The following NHSL3 variants were observed in gnomAD, a reference collection of about 807,000 sequenced individuals.
NHSL3 encodes the protein NHS like 3.
At chr1:32,762,920 C>T in the NHSL3 span, among the ~76,000 whole-genome samples, 1 of 152,164 alleles carries the variant, frequency 6.6e-6, no homozygotes, top group African/African-American at 2.4e-5. Context: ...GGTGATCTGC[C>T]CACCTCAGCC....
chr1:32,767,630 C>T, the NHSL3 span, among the ~76,000 whole-genome samples: 1 of 152,010 alleles, frequency 6.6e-6, no homozygotes, highest in Non-Finnish European at 1.5e-5. Flanking sequence ...TACTCCAGAA[C>T]TGTGGGTTAT....
the NHSL3 span, among the ~76,000 whole-genome samples, chr1:32,759,876 A>G: frequency 6.6e-6 from 1 of 152,216 alleles, no homozygotes; most frequent in Non-Finnish European, 1.5e-5. Flanking sequence ...CATTTGTAAA[A>G]AGGAAACCAC....
At chr1:32,770,424 C>T in the NHSL3 span, 2 of 1,608,094 alleles carry the variant, frequency 1.2e-6, no homozygotes, top group East Asian at 2.2e-5. This position sits in a 1 kb window ranked among gnomAD's most constrained non-coding sequence, Gnocchi z 8.3. Flanking sequence ...CCAGTGACAC[C>T]TGGAGCCACT....
chr1:32,757,112 C>T, the NHSL3 span, among the ~76,000 whole-genome samples: 2 of 152,312 alleles, frequency 1.3e-5, no homozygotes, highest in East Asian at 3.9e-4. Flanking sequence ...TCATCCTCGG[C>T]CTCAGCCTCT....
chr1:32,751,735 A>T, the NHSL3 span, among the ~76,000 whole-genome samples: 2 of 152,044 alleles, frequency 1.3e-5, no homozygotes, highest in East Asian at 1.9e-4. Flanking sequence ...AAGGTGGAAG[A>T]GGGGATGGCA....
At chr1:32,758,161 G>C in the NHSL3 span, among the ~76,000 whole-genome samples, 1 of 152,156 alleles carries the variant, frequency 6.6e-6, no homozygotes, top group Non-Finnish European at 1.5e-5. Context: ...TGGCACTCAG[G>C]GATCCACCCA....
the NHSL3 span, chr1:32,767,834 C>T: frequency 6.2e-7 from 1 of 1,613,886 alleles, no homozygotes. Flanking sequence ...AGGGCCTGGC[C>T]AGGGGCCAGG....
At chr1:32,770,263 C>T in the NHSL3 span, 5 of 1,604,040 alleles carry the variant, frequency 3.1e-6, no homozygotes, top group East Asian at 2.2e-5. This position sits in a 1 kb window ranked among gnomAD's most constrained non-coding sequence, Gnocchi z 8.3. Flanking sequence ...TGTGCTGCCG[C>T]CTACAGTGGA....
chr1:32,768,511 C>T, the NHSL3 span: 1 of 917,202 alleles, frequency 1.1e-6, no homozygotes, highest in South Asian at 1.6e-5. Context: ...AGGATAATCG[C>T]TTGAACTTGG....
the NHSL3 span, chr1:32,768,915 C>T: frequency 1.8e-6 from 2 of 1,088,134 alleles, no homozygotes; most frequent in Non-Finnish European, 2.6e-6. Flanking sequence ...TGTCCTCTTG[C>T]ACATTCGTGA....
At chr1:32,743,082 C>T in the NHSL3 span, among the ~76,000 whole-genome samples, 7 of 152,226 alleles carry the variant, frequency 4.6e-5, no homozygotes, top group Non-Finnish European at 1.0e-4. Flanking sequence ...CTTGGGCCTT[C>T]CCTCATTTTC....
chr1:32,769,586 C>T, the NHSL3 span: 1 of 1,047,584 alleles, frequency 9.5e-7, no homozygotes, highest in African/African-American at 1.6e-5. Flanking sequence ...CCATTTCTCG[C>T]AGAGCTCTTA....
the NHSL3 span, chr1:32,770,173 G>T: frequency 6.3e-7 from 1 of 1,599,928 alleles, no homozygotes; most frequent in East Asian, 2.2e-5. This position sits in a 1 kb window ranked among gnomAD's most constrained non-coding sequence, Gnocchi z 8.3. Context: ...GACAGGAGGG[G>T]CAGGGCCTGC....
the NHSL3 span, among the ~76,000 whole-genome samples, chr1:32,763,393 A>G: frequency 6.6e-6 from 1 of 151,642 alleles, no homozygotes; most frequent in Non-Finnish European, 1.5e-5. Flanking sequence ...CATTCTTTCC[A>G]TTGCTCAATC....
At chr1:32,770,991 C>T in the NHSL3 span, 2 of 1,609,894 alleles carry the variant, frequency 1.2e-6, no homozygotes, top group Non-Finnish European at 8.5e-7. This position sits in a 1 kb window ranked among gnomAD's most constrained non-coding sequence, Gnocchi z 8.3. Flanking sequence ...CCCCTGCTTC[C>T]CCAGGCAAGG....
the NHSL3 span, chr1:32,771,696 G>T: frequency 5.6e-6 from 9 of 1,611,584 alleles, no homozygotes; most frequent in South Asian, 8.8e-5. Context: ...CTCCAGCTCC[G>T]CCAGCCCCAG....
the NHSL3 span, chr1:32,769,942 C>A: frequency 6.2e-7 from 1 of 1,607,456 alleles, no homozygotes. Flanking sequence ...GGATGCCGTA[C>A]GCATCCCCAC....
the NHSL3 span, among the ~76,000 whole-genome samples, chr1:32,744,158 G>A: frequency 6.6e-6 from 1 of 152,122 alleles, no homozygotes; most frequent in South Asian, 2.1e-4. Context: ...GAGATTCCTG[G>A]GAGGTCAGGG....
At chr1:32,745,221 A>G in the NHSL3 span, among the ~76,000 whole-genome samples, 2 of 151,798 alleles carry the variant, frequency 1.3e-5, no homozygotes, top group Non-Finnish European at 2.9e-5. Flanking sequence ...TAGTCACCTG[A>G]GCTCTAACGA....
Sources: gnomAD v4.1 joint callset for allele counts (sites outside exome capture counted in the v4.1 genomes callset) on GRCh38, gnomAD v4.1.1 for gene constraint, Gnocchi (gnomAD v3.1) non-coding constraint, MANE v1.5 for transcripts, NCBI Gene and HGNC (gene_info 2026-07-23, HGNC 2026-07-21) for gene names.